The following KLHL6 variants were observed in gnomAD, a reference collection of about 807,000 sequenced individuals.
The protein encoded by KLHL6 is kelch like family member 6.
In KLHL6, 41 loss-of-function variants were observed where a neutral mutation model predicts 58.6. That is an observed-to-expected ratio of 0.70 (90% CI 0.55 to 0.91). The LOEUF is 0.91. Ranked by LOEUF, KLHL6 falls within the 40% of genes least tolerant of loss-of-function variation. The probability of loss-of-function intolerance (pLI) is 0.00; values close to 1 mark genes in which losing one functional copy is unlikely to be tolerated. For synonymous variants in KLHL6, 338 were observed against 322.7 expected (o/e 1.05, Z -0.51); for missense variants, 714 against 805.6 (o/e 0.89, Z 1.38).
chr3:183,519,288 A>G (rs7632397), intron 2 of KLHL6, among the ~76,000 whole-genome samples: 149,507 of 152,288 alleles, frequency 0.98, 73,405 homozygotes, highest in South Asian at 1. Flanking sequence ...TGCAAGGACC[A>G]ATGACCAGAA....
At chr3:183,512,651 C>G (rs1311776824) in intron 2 of KLHL6, among the ~76,000 whole-genome samples, 1 of 151,924 alleles carries the variant, frequency 6.6e-6, no homozygotes, top group East Asian at 1.9e-4. Flanking sequence ...GCCACCACAC[C>G]CAGCTAATTT....
intron 2 of KLHL6, among the ~76,000 whole-genome samples, chr3:183,515,412 G>C (rs1453345005): frequency 6.6e-6 from 1 of 152,176 alleles, no homozygotes; most frequent in Non-Finnish European, 1.5e-5. Flanking sequence ...GCCTGTTGTG[G>C]TGTTGCATGC....
chr3:183,504,727 T>C (rs1577180453), intron 3 of KLHL6, among the ~76,000 whole-genome samples: 1 of 152,332 alleles, frequency 6.6e-6, no homozygotes, highest in Middle Eastern at 3.4e-3. Context: ...GTTCAGCATG[T>C]GCAGATTTGT....
Position 183,508,317 on chromosome 3 carries a change from A to C in KLHL6, c.651T>G (p.Thr217=). The stretch of plus-strand genomic sequence containing the variant: ...CATCACTCTTCAAGATGTGGTGCAG[A>C]GTGTCCACGGGCAGGTCAAGAAACT... ...SEEFLDLPVD[T]LHHILKSDDL... is the part of the protein sequence containing the mutation. The change falls in exon 3 of 7, where the codon ACT becomes ACG. Residue 217 remains threonine, a synonymous_variant. Transcript: ENST00000341319. The C allele has an allele frequency of 6.2e-7, 1 of 1,614,234 alleles. No individual in the cohort carries two copies. The highest frequency in any genetic ancestry group is 8.5e-7 in the Non-Finnish European group (1 of 1,180,044).
chr3:183,492,707 C>A lies in KLHL6; in HGVS notation c.1351G>T (p.Ala451Ser). Residue 451 changes from alanine (A) to serine (S), a missense_variant and splice_region_variant, in exon 6 of 7, where the codon GCC (alanine) becomes TCC (serine). Physicochemically the swap from Ala to Ser is moderately conservative, Grantham distance 99. This residue lies in a region of KLHL6 where 510 missense variants were observed against 629.7 expected (regional missense o/e 0.81). Coordinates refer to ENST00000341319, the MANE Select transcript of KLHL6 (RefSeq NM_130446.4). This position sits in a 1 kb window ranked among gnomAD's most constrained non-coding sequence, Gnocchi z 5.9. ...YDPFHNCWSEAAPLLVHVSSF... is the reference protein window; with the variant it reads ...YDPFHNCWSESAPLLVHVSSF... ...CTGACATGGACAAGGAGGGGTGCGGCCTGTAGAGGCACAGGGCACAAGAAG... is the reference window on the plus strand; with the variant it reads ...CTGACATGGACAAGGAGGGGTGCGGACTGTAGAGGCACAGGGCACAAGAAG... 2 of 1,612,902 alleles carry A rather than the reference C, an allele frequency of 1.2e-6. No homozygotes were observed. The highest frequency in any genetic ancestry group is 1.7e-6 in the Non-Finnish European group (2 of 1,180,006).
intron 1 of KLHL6, among the ~76,000 whole-genome samples, chr3:183,554,596 C>T (rs534234147): frequency 6.6e-6 from 1 of 152,212 alleles, no homozygotes; most frequent in Non-Finnish European, 1.5e-5. Flanking sequence ...CCTTTCCCCA[C>T]ACTGCCTACA....
In KLHL6 at chr3:183,492,306, T is replaced by A; in HGVS notation, c.1565-78A>T. The A allele has an allele frequency of 1.4e-6, 2 of 1,396,814 alleles. No homozygotes were observed. Among genetic ancestry groups the A allele is most frequent in the Non-Finnish European group, 1.9e-6 (2 of 1,036,706 alleles). The allele number at this position is 1,396,814 out of a possible 1,614,324, so 86.5% of individuals were successfully genotyped here. ...CCCTCTTAACCACTAAAATTCAACT[T>A]CTGATTAGGCCAAGTCTACCCTCTT... On this transcript the variant is annotated intron_variant, in intron 6 of 6. Transcript: ENST00000341319. The surrounding 1 kb of genome is among the most constrained non-coding windows in gnomAD (Gnocchi z 5.9).
At chr3:183,555,337 G>T in intron 1 of KLHL6, 24 bp downstream of exon 1, 1 of 1,605,964 alleles carries the variant, frequency 6.2e-7, no homozygotes, top group South Asian at 1.1e-5. Flanking sequence ...CACCCAATTT[G>T]ACTCTGGTCC....
intron 1 of KLHL6, among the ~76,000 whole-genome samples, chr3:183,540,122 G>T (rs1319399654): frequency 6.6e-6 from 1 of 152,152 alleles, no homozygotes; most frequent in Non-Finnish European, 1.5e-5. Context: ...CACAATGATT[G>T]GTTCAGGGAT....
At chr3:183,536,366 C>T (rs1712365469) in intron 1 of KLHL6, among the ~76,000 whole-genome samples, 1 of 152,228 alleles carries the variant, frequency 6.6e-6, no homozygotes, top group African/African-American at 2.4e-5. Flanking sequence ...ACAGGCCATC[C>T]AGGAGTAGGT....
At chr3:183,495,209 C>T (rs757034338) in intron 4 of KLHL6, among the ~76,000 whole-genome samples, 24 of 152,164 alleles carry the variant, frequency 1.6e-4, no homozygotes, top group Non-Finnish European at 2.5e-4. Context: ...GCCATGTGCA[C>T]CCTGAATTTT....
intron 2 of KLHL6, among the ~76,000 whole-genome samples, chr3:183,516,803 A>G (rs561698823): frequency 5.9e-5 from 9 of 152,388 alleles, no homozygotes; most frequent in African/African-American, 2.2e-4. Flanking sequence ...GGGTCTATAA[A>G]GACATTGATA....
intron 1 of KLHL6, among the ~76,000 whole-genome samples, chr3:183,542,857 T>C (rs1047121976): frequency 2.9e-5 from 1 of 34,146 alleles, no homozygotes; most frequent in Non-Finnish European, 6.0e-5. Context: ...GATGGATACA[T>C]GGATGGATGG....
At chr3:183,501,366 C>A (rs1286186970) in intron 3 of KLHL6, among the ~76,000 whole-genome samples, 1 of 152,216 alleles carries the variant, frequency 6.6e-6, no homozygotes, top group Admixed American at 6.5e-5. Flanking sequence ...GCACAGCCAC[C>A]AGCACTAATC....
intron 3 of KLHL6, among the ~76,000 whole-genome samples, chr3:183,500,266 T>A: frequency 6.6e-6 from 1 of 152,318 alleles, no homozygotes; most frequent in African/African-American, 2.4e-5. Context: ...TTGCTCACCA[T>A]CAGCCTTCTG....
rs971775031 is a variant in KLHL6, at chr3:183,492,731, A to C, written c.1351-24T>G. 1.2e-5 allele frequency: 19 copies of C among 1,608,780 alleles called. No homozygotes were observed. The highest frequency in any genetic ancestry group is 1.6e-5 in the Non-Finnish European group (19 of 1,177,220). On this transcript the variant is annotated intron_variant, in intron 5 of 6. Transcript: ENST00000341319. This position sits in a 1 kb window ranked among gnomAD's most constrained non-coding sequence, Gnocchi z 5.9. ...GCCTGTAGAGGCACAGGGCACAAGA[A>C]GAAGCTGTCAGTCATGCTGCCCAGA...
chr3:183,524,853 A>G (rs2108683580), intron 2 of KLHL6, among the ~76,000 whole-genome samples: 1 of 152,338 alleles, frequency 6.6e-6, no homozygotes, highest in Middle Eastern at 3.4e-3. Flanking sequence ...CAGATGTTGT[A>G]AAAGGACCAG....
intron 3 of KLHL6, among the ~76,000 whole-genome samples, chr3:183,502,341 T>C (rs964048071): frequency 2.6e-5 from 4 of 151,030 alleles, no homozygotes; most frequent in Admixed American, 2.6e-4. Flanking sequence ...AGTGAATGAA[T>C]GGGCAAGCTA....
intron 2 of KLHL6, among the ~76,000 whole-genome samples, chr3:183,515,651 T>A (rs1711538029): frequency 6.6e-6 from 1 of 152,234 alleles, no homozygotes. Context: ...CTTCTCCTAT[T>A]CCCCAACATG....
Sources: allele counts gnomAD v4.1 joint callset (sites outside exome capture counted in the v4.1 genomes callset), GRCh38; gene constraint gnomAD v4.1.1; regional missense constraint gnomAD v4.1.1; non-coding constraint Gnocchi (gnomAD v3.1); transcripts MANE v1.5; gene names NCBI Gene and HGNC (gene_info 2026-07-23, HGNC 2026-07-21).